The following MLIP variants were observed in gnomAD, a reference collection of about 807,000 sequenced individuals.
MLIP encodes the protein muscular LMNA interacting protein, also known as muscular LMNA-interacting protein.
A neutral mutation model predicts 84.8 loss-of-function variants in MLIP; 79 were observed. The ratio of observed to expected loss-of-function variants is 0.93; its 90% CI spans 0.78 to 1.12. The LOEUF is 1.12. MLIP is among the 50% of genes most tolerant of loss of function. The pLI, the probability that MLIP is intolerant of heterozygous loss-of-function variation, is 0.00. For synonymous variants in MLIP, 504 were observed against 463.0 expected (o/e 1.09, Z -1.14); for missense variants, 1,257 against 1,160.6 (o/e 1.08, Z -1.21).
rs1057504843 is a variant in MLIP, at chr6:54,266,087, C to G, written c.*132C>G. 3 of 873,378 alleles carry G rather than the reference C, an allele frequency of 3.4e-6. No individual in the cohort carries two copies. The highest frequency in any genetic ancestry group is 5.4e-6 in the Non-Finnish European group (3 of 556,354). 54.1% of individuals were successfully genotyped at this position (873,378 alleles called of 1,614,324 possible). A position where few individuals can be genotyped will look rare whatever the true frequency, so the allele number is the denominator to read the frequency against. ...CTTTATGAGCTGCAGTGCAGCAGAA[C>G]CAAAAAAAAAGTTTGCTGCAATTAT... On this transcript the variant is annotated 3_prime_UTR_variant, in exon 14 of 14. Transcript: ENST00000502396.
At chr6:54,218,617 T>G (rs780876609) in intron 11 of MLIP, among the ~76,000 whole-genome samples, 5 of 152,204 alleles carry the variant, frequency 3.3e-5, no homozygotes, top group Non-Finnish European at 7.4e-5. Flanking sequence ...TCTTCTGGGT[T>G]CAAGCGATTC....
intron 3 of MLIP, among the ~76,000 whole-genome samples, chr6:54,132,878 T>A (rs1561963455): frequency 6.6e-6 from 1 of 152,138 alleles, no homozygotes. Context: ...GCAAAATAGG[T>A]GCTGTGGTCC....
chr6:54,109,924 TCTTCCTTCCTTCCTTCCTTCCTTC>T (rs765528200), upstream of MLIP, among the ~76,000 whole-genome samples: 253 of 65,902 alleles, frequency 3.8e-3, 1 homozygote, highest in African/African-American at 0.012. Flanking sequence ...TTTCTTTCTT[TCTTCCTTCCTTCCTTCCTTCCTTC>T]CTTCCTTCCT....
rs186937928 is a variant in MLIP, at chr6:54,161,785, G to C, written c.2499+986G>C. Among the ~76,000 whole-genome samples, 18 of 151,914 alleles carry C rather than the reference G, an allele frequency of 1.2e-4. No homozygotes were observed. In the East Asian group the frequency reaches 1.4e-3, roughly 11 times the overall value. On this transcript the variant is annotated intron_variant, in intron 8 of 13. Transcript: ENST00000502396. Reference sequence around the variant, plus strand: ...TCATATTAATTATATTTTAGCAGAGGACTCACAGGTGGATAATTGTAATTT... The same window carrying C: ...TCATATTAATTATATTTTAGCAGAGCACTCACAGGTGGATAATTGTAATTT...
chr6:54,187,358 G>T (rs1777495561), intron 9 of MLIP, among the ~76,000 whole-genome samples: 1 of 152,074 alleles, frequency 6.6e-6, no homozygotes, highest in South Asian at 2.1e-4. Context: ...ATGAGGGAGG[G>T]ACATGACAGA....
intron 1 of MLIP, chr6:54,032,332 T>C (rs964269964): frequency 6.6e-6 from 1 of 152,184 alleles, no homozygotes; most frequent in Admixed American, 6.5e-5. Flanking sequence ...GGTTATCCTT[T>C]GAAAATTTTC....
At position 54,251,441 on chromosome 6, in the gene MLIP, C is replaced by CATATAT. The variant is rs148476876; in HGVS notation, c.2923-5846_2923-5841dup. Among the ~76,000 whole-genome samples the CATATAT allele has an allele frequency of 8.6e-3, 764 of 88,900 alleles. 51 individuals are homozygous for CATATAT. The highest frequency in any genetic ancestry group is 0.026 in the African/African-American group (371 of 14,164). The allele number at this position is 88,900 out of a possible 152,430, so 58.3% of individuals were successfully genotyped here. ...TATCTCCAAAGTGAATGAAACAAGC[C>CATATAT]ATATATATATATATATATATATATA... On this transcript the variant is annotated intron_variant, in intron 12 of 13. Transcript: ENST00000502396.
rs1431781067 is a variant in MLIP at position 54,213,729 on chromosome 6, A to AC, written c.2718+11496_2718+11497insC. On this transcript the variant is annotated intron_variant, in intron 11 of 13. Coordinates refer to ENST00000502396, the MANE Select transcript of MLIP (RefSeq NM_001281747.2). ...TCTCAAAAAAAAAAAAAAAAAAAAA[A>AC]AAAAAAACAACAAACAGCATATCTT... 1.9e-3 allele frequency among the ~76,000 whole-genome samples: 269 copies of AC among 138,596 alleles called. 42 individuals are homozygous for AC. The highest frequency in any genetic ancestry group is 0.01 in the South Asian group (46 of 4,554). The allele number at this position is 138,596 out of a possible 152,430, so 90.9% of individuals were successfully genotyped here. A position where few individuals can be genotyped will look rare whatever the true frequency, so the allele number is the denominator to read the frequency against.
In MLIP at chr6:54,176,339, A is replaced by G. The variant is rs79826251; in HGVS notation, c.2544+6767A>G. ...ATTAATTCTTCTTTAAATGTTTCATAAAATTCAGCAGTGAAGCCACTGGGT... is the reference window on the plus strand; with the variant it reads ...ATTAATTCTTCTTTAAATGTTTCATGAAATTCAGCAGTGAAGCCACTGGGT... On this transcript the variant is annotated intron_variant, in intron 9 of 13. Transcript: ENST00000502396. Among the ~76,000 whole-genome samples, 194 of 151,850 alleles carry G rather than the reference A, an allele frequency of 1.3e-3. 4 individuals carry two copies. The South Asian group carries it at 0.024, about 18-fold the overall frequency.
intron 1 of MLIP, among the ~76,000 whole-genome samples, chr6:54,028,404 G>A (rs1763941348): frequency 6.6e-6 from 1 of 152,154 alleles, no homozygotes. Flanking sequence ...GAGCAGTTGA[G>A]AGAGCTCATA....
At chr6:54,098,330 C>CTTTTTT (rs11418224) in intron 1 of MLIP, among the ~76,000 whole-genome samples, 2 of 116,278 alleles carry the variant, frequency 1.7e-5, no homozygotes, top group Non-Finnish European at 3.3e-5. Context: ...TTTTTAATTT[C>CTTTTTT]TTTTTTTTTT....
intron 9 of MLIP, among the ~76,000 whole-genome samples, chr6:54,181,967 T>C (rs1469810514): frequency 6.6e-6 from 1 of 152,162 alleles, no homozygotes; most frequent in East Asian, 1.9e-4. Flanking sequence ...AGCAGCACTG[T>C]CTGGAGTTGG....
chr6:54,226,649 C>A (rs545739203), intron 11 of MLIP, among the ~76,000 whole-genome samples: 3 of 148,172 alleles, frequency 2.0e-5, no homozygotes, highest in Admixed American at 6.7e-5. Flanking sequence ...AACAAACAAA[C>A]AAACAAACAA....
chr6:54,083,389 G>T (rs777090812), intron 1 of MLIP: 1 of 1,313,034 alleles, frequency 7.6e-7, no homozygotes, highest in Non-Finnish European at 1.0e-6. Flanking sequence ...GCTATTTCCA[G>T]TCCAGAGTTG....
At chr6:54,035,402 T>C (rs7753626) in intron 1 of MLIP, among the ~76,000 whole-genome samples, 33,834 of 152,060 alleles carry the variant, frequency 0.22, 4,673 homozygotes, top group African/African-American at 0.38. Context: ...GTTTAGCTAT[T>C]ATAAATAAAG....
intron 12 of MLIP, among the ~76,000 whole-genome samples, chr6:54,243,287 G>C (rs1470458472): frequency 1.3e-5 from 2 of 152,138 alleles, no homozygotes; most frequent in Non-Finnish European, 2.9e-5. Flanking sequence ...GCTAGAGGGG[G>C]CAGCAAGCAT....
At chr6:54,045,538 C>T (rs1449428590) in intron 1 of MLIP, 1 of 152,054 alleles carries the variant, frequency 6.6e-6, no homozygotes, top group Non-Finnish European at 1.5e-5. Context: ...CAGCAGAGAC[C>T]TTGATATGGT....
In MLIP at chr6:54,189,886, C is replaced by T. The variant is rs1458468334; in HGVS notation, c.2561C>T (p.Pro854Leu). The T allele has an allele frequency of 1.9e-6, 3 of 1,603,018 alleles. No homozygotes were observed. The highest frequency in any genetic ancestry group is 2.2e-5 in the East Asian group (1 of 44,702). ...RETKYANLSS[P>L]SSTVSESQLT... ...GTTTTGCAGGCAAATCTCTCCTCAC[C>T]ATCTTCTACAGTATCTGAGAGTCAG... The change falls in exon 10 of 14, where the codon CCA becomes CTA. Residue 854 changes from proline to leucine, a missense_variant. Physicochemically the swap from Pro to Leu is moderately conservative, Grantham distance 98 (BLOSUM62 -3). Coordinates refer to ENST00000502396, the MANE Select transcript of MLIP (RefSeq NM_001281747.2).
chr6:54,102,813 T>C (rs568087064), intron 1 of MLIP, among the ~76,000 whole-genome samples: 29 of 152,300 alleles, frequency 1.9e-4, no homozygotes, highest in African/African-American at 6.0e-4. Context: ...GTGGCATTTA[T>C]GTTCCAACTG....
Sources: allele counts gnomAD v4.1 joint callset (sites outside exome capture counted in the v4.1 genomes callset), GRCh38; gene constraint gnomAD v4.1.1; transcripts MANE v1.5; gene names NCBI Gene and HGNC (gene_info 2026-07-23, HGNC 2026-07-21).